SLCO4A1: variants seen among roughly 807,000 people sequenced by gnomAD.
SLCO4A1 encodes solute carrier organic anion transporter family member 4A1.
Under a neutral mutation model 64.6 loss-of-function variants are expected in SLCO4A1, and 51 were observed. That is an observed-to-expected ratio of 0.79 (90% CI 0.63 to 1.00). SLCO4A1 has a LOEUF of 1.00. Among genes scored for constraint, SLCO4A1 ranks in the 50% least tolerant of loss-of-function variants. The probability of loss-of-function intolerance (pLI) is 0.00; values close to 1 mark genes in which losing one functional copy is unlikely to be tolerated. For missense variants in SLCO4A1, 919 were observed against 980.5 expected (o/e 0.94, Z 0.84); for synonymous variants, 471 against 444.9 (o/e 1.06, Z -0.74).
rs758877335 is a variant in SLCO4A1 at position 62,661,057 on chromosome 20, C to T, written c.1010-7C>T. On this transcript the variant is annotated splice_region_variant and splice_polypyrimidine_tract_variant and intron_variant, in intron 4 of 11. Transcript: ENST00000217159. This position sits in a 1 kb window ranked among gnomAD's most constrained non-coding sequence, Gnocchi z 5.2. Reference sequence around the variant, plus strand: ...CCCCAGCCCCAGCTCACTCTGTGCCCTTCCAGGCTCCCAGCGCTACGCGGT... The same window carrying T: ...CCCCAGCCCCAGCTCACTCTGTGCCTTTCCAGGCTCCCAGCGCTACGCGGT... 18 of 1,318,128 alleles carry T rather than the reference C, an allele frequency of 1.4e-5. No individual in the cohort carries two copies. The East Asian group carries it at 1.5e-4, about 11-fold the overall frequency. The allele number at this position is 1,318,128 out of a possible 1,614,324, so 81.7% of individuals were successfully genotyped here.
intron 2 of SLCO4A1, among the ~76,000 whole-genome samples, chr20:62,657,596 A>G (rs1028382521): frequency 2.0e-5 from 3 of 152,202 alleles, no homozygotes; most frequent in East Asian, 1.9e-4. Flanking sequence ...GGCAGACCTC[A>G]TGCTCCGGCT....
chr20:62,660,666 T>C, intron 4 of SLCO4A1, 133 bp downstream of exon 4: 9 of 1,140,064 alleles, frequency 7.9e-6, no homozygotes, highest in Non-Finnish European at 1.1e-5. Flanking sequence ...TCATTCTCAG[T>C]GTTCTTCCCA....
rs1358862712 is a variant in SLCO4A1 at position 62,645,064 on chromosome 20, C to T, written c.-97+2511C>T. 6.6e-6 allele frequency among the ~76,000 whole-genome samples: 1 copy of T among 152,252 alleles called. No individual in the cohort carries two copies. Among genetic ancestry groups the T allele is most frequent in the Non-Finnish European group, 1.5e-5 (1 of 68,040 alleles). ...TTTTGGACAAGGACATGGGACAGTC[C>T]TCAGACCTTGCTGTTGCCTTCGTTC... is the stretch of plus-strand genomic sequence containing the variant. On this transcript the variant is annotated intron_variant, in intron 1 of 11. Transcript: ENST00000217159. The surrounding 1 kb of genome is among the most constrained non-coding windows in gnomAD (Gnocchi z 4.2).
chr20:62,679,556 T>A (rs181670771), intron 2 of SLCO4A1, among the ~76,000 whole-genome samples: 1 of 152,218 alleles, frequency 6.6e-6, no homozygotes, highest in African/African-American at 2.4e-5. Flanking sequence ...AGATAGGGTG[T>A]CTTGCTATGT....
At chr20:62,686,381 TCA>T (rs1421314751), downstream of SLCO4A1, among the ~76,000 whole-genome samples, 1 of 152,184 alleles carries the variant, frequency 6.6e-6, no homozygotes, top group Non-Finnish European at 1.5e-5. Flanking sequence ...TCTTCTCATG[TCA>T]CAGTTGTGAC....
chr20:62,657,654 C>G (rs1983988277), intron 2 of SLCO4A1, among the ~76,000 whole-genome samples: 1 of 152,186 alleles, frequency 6.6e-6, no homozygotes, highest in Non-Finnish European at 1.5e-5. Flanking sequence ...GGATAAGTGA[C>G]GAGGGACAGA....
chr20:62,654,453 G>A (rs1983264824), intron 1 of SLCO4A1, among the ~76,000 whole-genome samples: 1 of 151,950 alleles, frequency 6.6e-6, no homozygotes, highest in African/African-American at 2.4e-5. Flanking sequence ...GCTGCCAGGA[G>A]GATCCTGGGG....
chr20:62,659,181 G>C (rs1192825338), intron 3 of SLCO4A1, among the ~76,000 whole-genome samples: 1 of 152,126 alleles, frequency 6.6e-6, no homozygotes, highest in Non-Finnish European at 1.5e-5. Context: ...GGAAAGACAC[G>C]TAGAGACAGA....
chr20:62,661,851 G>T lies in SLCO4A1; in HGVS notation c.1121+676G>T, dbSNP rs1192374898. 6.6e-6 allele frequency among the ~76,000 whole-genome samples: 1 copy of T among 151,938 alleles called. No individual in the cohort carries two copies. The highest frequency in any genetic ancestry group is 2.4e-5 in the African/African-American group (1 of 41,372). ...GGTGAACCCGGGGCCCTGAGCCGGT[G>T]GGGTCCTAGAGGGACAACAGAGGGG... On this transcript the variant is annotated intron_variant, in intron 5 of 11. Coordinates refer to ENST00000217159, the MANE Select transcript of SLCO4A1 (RefSeq NM_016354.4). The surrounding 1 kb of genome is among the most constrained non-coding windows in gnomAD (Gnocchi z 5.2).
At chr20:62,675,796 T>A (rs1208466579), downstream of SLCO4A1, among the ~76,000 whole-genome samples, 1 of 152,092 alleles carries the variant, frequency 6.6e-6, no homozygotes, top group African/African-American at 2.4e-5. Flanking sequence ...GGGTCCTGGA[T>A]GCCTCCCACA....
At chr20:62,668,365 G>A (rs561239003) in intron 9 of SLCO4A1, 112 bp from the exon 10 acceptor site, 14 of 1,300,122 alleles carry the variant, frequency 1.1e-5, no homozygotes, top group Admixed American at 5.0e-5. Flanking sequence ...TTCCCACTTG[G>A]GGGGGGGTGA....
At chr20:62,663,616 TTA>T (rs1985494080) in intron 5 of SLCO4A1, 1 of 152,198 alleles carries the variant, frequency 6.6e-6, no homozygotes, top group African/African-American at 2.4e-5. Flanking sequence ...CTGGTCTATG[TTA>T]TGAGTTCCAG....
intron 5 of SLCO4A1, among the ~76,000 whole-genome samples, chr20:62,664,412 G>A (rs945442186): frequency 1.3e-5 from 2 of 152,096 alleles, no homozygotes; most frequent in Non-Finnish European, 2.9e-5. Flanking sequence ...CCCCATTCCC[G>A]TGATTCCATT....
chr20:62,657,224 A>T lies in SLCO4A1; in HGVS notation c.770A>T (p.Lys257Met). 6.5e-7 allele frequency: 1 copy of T among 1,537,352 alleles called. No individual in the cohort carries two copies. Residue 257 changes from lysine (K) to methionine (M), a missense_variant, in exon 2 of 12, where the codon AAG (lysine) becomes ATG (methionine). Transcript: ENST00000217159. ...GTCACCTACCTGGATGAGAACGTCA[A>T]GTCCAGCTGCTCGCCCGTCTACATT... Reference protein sequence around the residue: ...LGVTYLDENVKSSCSPVYIAI... With the variant: ...LGVTYLDENVMSSCSPVYIAI...
In SLCO4A1 at chr20:62,660,399, G is replaced by A. The variant is rs1984541440; in HGVS notation, c.888-13G>A. The A allele has an allele frequency of 1.3e-6, 2 of 1,596,666 alleles. No homozygotes were observed. Among genetic ancestry groups the A allele is most frequent in the East Asian group, 2.2e-5 (1 of 44,810 alleles). On this transcript the variant is annotated splice_polypyrimidine_tract_variant and intron_variant, in intron 3 of 11. Coordinates refer to ENST00000217159, the MANE Select transcript of SLCO4A1 (RefSeq NM_016354.4). ...GCTGCACGCTGACCCAGGTGCCACT[G>A]CCTCTTCCACAGGACGGAGCTGACC...
chr20:62,668,439 A>T (rs1986782091), intron 9 of SLCO4A1, 38 bp from the exon 10 acceptor site: 1 of 1,609,604 alleles, frequency 6.2e-7, no homozygotes. Flanking sequence ...ATGCAACCCC[A>T]CTTCTGTGGG....
intron 1 of SLCO4A1, chr20:62,650,218 T>C (rs1982210840): frequency 6.6e-6 from 1 of 152,226 alleles, no homozygotes; most frequent in African/African-American, 2.4e-5. Flanking sequence ...AAAGAAACTA[T>C]AGGCAGGTGT....
chr20:62,659,035 C>A (rs1415032034), intron 3 of SLCO4A1, among the ~76,000 whole-genome samples: 1 of 152,246 alleles, frequency 6.6e-6, no homozygotes, highest in Non-Finnish European at 1.5e-5. Flanking sequence ...GAGCCCTGGC[C>A]ACTAGTTCCC....
chr20:62,677,153 C>T (rs1036848798), downstream of SLCO4A1, among the ~76,000 whole-genome samples: 1 of 152,202 alleles, frequency 6.6e-6, no homozygotes, highest in East Asian at 1.9e-4. Context: ...GAGGCGGGAG[C>T]GACTGTCATG....
Sources: gnomAD v4.1 joint callset for allele counts (sites outside exome capture counted in the v4.1 genomes callset) on GRCh38, gnomAD v4.1.1 for gene constraint, Gnocchi (gnomAD v3.1) non-coding constraint, MANE v1.5 for transcripts, NCBI Gene and HGNC (gene_info 2026-07-23, HGNC 2026-07-21) for gene names.